Variants in ZBTB16 observed in about 807,000 individuals in gnomAD.
ZBTB16 encodes zinc finger and BTB domain containing 16.
Under a neutral mutation model 56.8 loss-of-function variants are expected in ZBTB16, and 8 were observed. The observed-to-expected ratio is 0.14, with a 90% CI of 0.08 to 0.25. The LOEUF is 0.25. Ranked by LOEUF, ZBTB16 falls within the 10% of genes least tolerant of loss-of-function variation. The pLI is 1.00. For missense variants in ZBTB16, 625 were observed against 903.0 expected (o/e 0.69, Z 3.95); for synonymous variants, 363 against 368.5 (o/e 0.98, Z 0.17).
In ZBTB16 at chr11:114,254,139, A is replaced by C. The variant is rs1944961387; in HGVS notation, c.*3584A>C. ...ACTCCTTCACTCATTCAAAGCATTA[A>C]AATCCTATGTATATATAGGATAGAC... On this transcript the variant is annotated 3_prime_UTR_variant, in exon 7 of 7. Coordinates refer to ENST00000335953, the MANE Select transcript of ZBTB16 (RefSeq NM_006006.6). Among the ~76,000 whole-genome samples the C allele has an allele frequency of 6.6e-6, 1 of 152,158 alleles. No homozygotes were observed. Among genetic ancestry groups the C allele is most frequent in the Non-Finnish European group, 1.5e-5 (1 of 68,028 alleles).
chr11:114,235,520 G>A (rs756300253), intron 4 of ZBTB16, among the ~76,000 whole-genome samples: 10 of 152,102 alleles, frequency 6.6e-5, no homozygotes, highest in Non-Finnish European at 1.0e-4. Flanking sequence ...TTCAGACCCC[G>A]TCATCACCTG....
At chr11:114,239,087 C>G (rs1944651467) in intron 4 of ZBTB16, among the ~76,000 whole-genome samples, 1 of 152,138 alleles carries the variant, frequency 6.6e-6, no homozygotes, top group Non-Finnish European at 1.5e-5. Flanking sequence ...TCAGGCCACC[C>G]TGAGAAGTAG....
At chr11:114,113,963 G>A (rs1374198824) in intron 2 of ZBTB16, among the ~76,000 whole-genome samples, 5 of 152,202 alleles carry the variant, frequency 3.3e-5, no homozygotes, top group Admixed American at 6.5e-5. Flanking sequence ...ATGGTAAGGC[G>A]AAACTCCCAC....
At chr11:114,109,494 T>C (rs1940926161) in intron 2 of ZBTB16, among the ~76,000 whole-genome samples, 1 of 151,944 alleles carries the variant, frequency 6.6e-6, no homozygotes, top group Non-Finnish European at 1.5e-5. Flanking sequence ...AAGGCTGGAG[T>C]TGGGGTACAC....
rs1428074604 is a variant in ZBTB16, at chr11:114,143,973, A to G, written c.1269-12364A>G. On this transcript the variant is annotated intron_variant, in intron 2 of 6. Coordinates refer to ENST00000335953, the MANE Select transcript of ZBTB16 (RefSeq NM_006006.6). This position sits in a 1 kb window ranked among gnomAD's most constrained non-coding sequence, Gnocchi z 6.4. ...CTGTGTGCTCGGGAGCCTTGCGTGT[A>G]AGGAGCAAGAGGAGCACGCAAGCTG... Among the ~76,000 whole-genome samples, 1 of 152,156 alleles carries G rather than the reference A, an allele frequency of 6.6e-6. No individual in the cohort carries two copies. Among genetic ancestry groups the G allele is most frequent in the East Asian group, 1.9e-4 (1 of 5,192 alleles).
At chr11:114,104,097 C>G (rs1340635504) in intron 2 of ZBTB16, among the ~76,000 whole-genome samples, 1 of 152,152 alleles carries the variant, frequency 6.6e-6, no homozygotes, top group East Asian at 1.9e-4. Flanking sequence ...AATTAGGCAC[C>G]TGTCTGACAA....
chr11:114,070,257 C>T (rs956936182), intron 2 of ZBTB16, among the ~76,000 whole-genome samples: 8 of 151,044 alleles, frequency 5.3e-5, no homozygotes, highest in Non-Finnish European at 8.9e-5. Flanking sequence ...TACAGGCGCC[C>T]GCCACCGCGC....
At chr11:114,093,477 G>T (rs144399990) in intron 2 of ZBTB16, among the ~76,000 whole-genome samples, 1 of 152,234 alleles carries the variant, frequency 6.6e-6, no homozygotes, top group East Asian at 1.9e-4. Context: ...TCTTGTCCTT[G>T]CCCATCTTTG....
Position 114,250,600 on chromosome 11 carries a change from A to G in ZBTB16, c.*45A>G, listed in dbSNP as rs1591816819. 6.3e-7 allele frequency: 1 copy of G among 1,592,494 alleles called. No homozygotes were observed. Among genetic ancestry groups the G allele is most frequent in the South Asian group, 1.1e-5 (1 of 90,478 alleles). ...GAGCCGAGCGGGGAGCCAGGAAAGA[A>G]GAGTTGGAGTGAGATGAAGGAAGGA... On this transcript the variant is annotated 3_prime_UTR_variant, in exon 7 of 7. Transcript: ENST00000335953. This position sits in a 1 kb window ranked among gnomAD's most constrained non-coding sequence, Gnocchi z 6.0.
intron 4 of ZBTB16, among the ~76,000 whole-genome samples, chr11:114,192,546 T>C (rs1277927238): frequency 6.6e-6 from 1 of 152,342 alleles, no homozygotes; most frequent in African/African-American, 2.4e-5. Context: ...TCCTTGCCTT[T>C]TCTGAGTGGA....
intron 3 of ZBTB16, among the ~76,000 whole-genome samples, chr11:114,185,619 T>C (rs1943343377): frequency 6.6e-6 from 1 of 152,130 alleles, no homozygotes; most frequent in Non-Finnish European, 1.5e-5. Flanking sequence ...GCTGGTGGTG[T>C]GGAAACCACC....
intron 2 of ZBTB16, among the ~76,000 whole-genome samples, chr11:114,069,029 A>G (rs934592921): frequency 1.3e-5 from 2 of 152,184 alleles, no homozygotes; most frequent in South Asian, 2.1e-4. Context: ...TATACAGACA[A>G]GCACTTAGGT....
intron 2 of ZBTB16, among the ~76,000 whole-genome samples, chr11:114,141,722 C>T (rs1941950507): frequency 6.6e-6 from 1 of 152,186 alleles, no homozygotes; most frequent in African/African-American, 2.4e-5. Context: ...ACTTCCCGTT[C>T]TACTAACTAG....
chr11:114,230,821 A>C (rs536555718), intron 4 of ZBTB16, among the ~76,000 whole-genome samples: 21 of 152,156 alleles, frequency 1.4e-4, no homozygotes, highest in Admixed American at 8.5e-4. Flanking sequence ...TGTCTCGCCC[A>C]ACCCCTGCTC....
At chr11:114,218,222 C>A (rs1285092051) in intron 4 of ZBTB16, among the ~76,000 whole-genome samples, 3 of 152,212 alleles carry the variant, frequency 2.0e-5, no homozygotes, top group African/African-American at 7.2e-5. Context: ...CCAGGTGAAC[C>A]CTTCTTGCTG....
intron 2 of ZBTB16, among the ~76,000 whole-genome samples, chr11:114,131,594 A>T (rs1398614919): frequency 1.3e-5 from 2 of 152,212 alleles, no homozygotes; most frequent in African/African-American, 4.8e-5. Flanking sequence ...TAGGGCCATT[A>T]AAAACCATGA....
At chr11:114,126,055 C>T (rs1207993343) in intron 2 of ZBTB16, among the ~76,000 whole-genome samples, 1 of 152,122 alleles carries the variant, frequency 6.6e-6, no homozygotes. Flanking sequence ...ATATCCACAG[C>T]CTCCTGCTCC....
rs145434423 is a variant in ZBTB16 at position 114,254,783 on chromosome 11, G to A, written c.*4228G>A. ...GTGGCACTTACCTGGATATTTCAGT[G>A]GGAGGATGAAAGGCGAGACTCACCC... On this transcript the variant is annotated 3_prime_UTR_variant, in exon 7 of 7. Transcript: ENST00000335953. Among the ~76,000 whole-genome samples the A allele has an allele frequency of 2.1e-3, 323 of 152,310 alleles. 1 individual carries two copies. Among genetic ancestry groups the A allele is most frequent in the African/African-American group, 7.0e-3 (292 of 41,556 alleles).
At chr11:114,146,103 T>C (rs373608514) in intron 2 of ZBTB16, among the ~76,000 whole-genome samples, 51 of 152,174 alleles carry the variant, frequency 3.4e-4, no homozygotes, top group South Asian at 3.1e-3. Flanking sequence ...TTAACAGATA[T>C]AGGGTGAGTA....
Sources: allele counts gnomAD v4.1 joint callset (sites outside exome capture counted in the v4.1 genomes callset), GRCh38; gene constraint gnomAD v4.1.1; non-coding constraint Gnocchi (gnomAD v3.1); transcripts MANE v1.5; gene names NCBI Gene and HGNC (gene_info 2026-07-23, HGNC 2026-07-21).